FHIT: variants seen among roughly 807,000 people sequenced by gnomAD.
FHIT encodes the protein fragile histidine triad diadenosine triphosphatase.
A neutral mutation model predicts 17.9 loss-of-function variants in FHIT; 19 were observed. The observed-to-expected ratio is 1.06, with a 90% CI of 0.74 to 1.56. FHIT has a LOEUF of 1.56. Ranked by LOEUF, FHIT falls within the 40% of genes most tolerant of loss-of-function variation. The pLI, the probability that FHIT is intolerant of heterozygous loss-of-function variation, is 0.00. For missense variants in FHIT, 248 were observed against 189.2 expected (o/e 1.31, Z -1.82); for synonymous variants, 81 against 69.7 (o/e 1.16, Z -0.81).
intron 7 of FHIT, among the ~76,000 whole-genome samples, chr3:59,928,695 T>A (rs1454135987): frequency 6.6e-6 from 1 of 152,076 alleles, no homozygotes; most frequent in Non-Finnish European, 1.5e-5. Flanking sequence ...CTAGGGCAAC[T>A]GTAATAAAAA....
At chr3:60,511,155 C>T (rs928427645) in intron 5 of FHIT, among the ~76,000 whole-genome samples, 1 of 152,094 alleles carries the variant, frequency 6.6e-6, no homozygotes, top group African/African-American at 2.4e-5. Context: ...TAAGGTTATC[C>T]ATCAGTGAAA....
intron 4 of FHIT, among the ~76,000 whole-genome samples, chr3:60,721,104 G>T (rs1449381331): frequency 1.3e-5 from 2 of 151,922 alleles, no homozygotes; most frequent in African/African-American, 4.8e-5. Flanking sequence ...CTTTGTGGGA[G>T]CAATTAATTC....
chr3:60,569,751 A>ATTTTTTTTTT (rs1272456475), intron 4 of FHIT, among the ~76,000 whole-genome samples: 5 of 69,764 alleles, frequency 7.2e-5, no homozygotes, highest in African/African-American at 3.0e-4. Context: ...ATATATATAT[A>ATTTTTTTTTT]TATATTTTTT....
At chr3:60,180,834 G>C (rs1576264301) in intron 5 of FHIT, among the ~76,000 whole-genome samples, 1 of 152,070 alleles carries the variant, frequency 6.6e-6, no homozygotes, top group Non-Finnish European at 1.5e-5. Context: ...TTACTGGATT[G>C]CAAGATTAAA....
intron 7 of FHIT, among the ~76,000 whole-genome samples, chr3:59,957,025 G>C (rs575743870): frequency 8.5e-5 from 13 of 152,228 alleles, no homozygotes; most frequent in Admixed American, 2.0e-4. Context: ...ACAGAACAGG[G>C]ACTTTGTCTG....
intron 5 of FHIT, among the ~76,000 whole-genome samples, chr3:60,152,920 T>A (rs887798141): frequency 4.6e-5 from 7 of 152,142 alleles, no homozygotes; most frequent in Non-Finnish European, 7.3e-5. Flanking sequence ...TCATGCTCAT[T>A]TTGTAGCTAC....
chr3:60,657,323 T>C (rs2040140664), intron 4 of FHIT, among the ~76,000 whole-genome samples: 1 of 152,150 alleles, frequency 6.6e-6, no homozygotes, highest in South Asian at 2.1e-4. Flanking sequence ...AGTTCTGTAG[T>C]GTGTTAGCAC....
chr3:60,504,442 A>C (rs1398237773), intron 5 of FHIT, among the ~76,000 whole-genome samples: 2 of 142,298 alleles, frequency 1.4e-5, no homozygotes, highest in Non-Finnish European at 3.1e-5. Context: ...AAAAAAAAAA[A>C]ATTTTTTTTT....
rs549099629 is a variant in FHIT at position 60,444,612 on chromosome 3, G to T, written c.103+92248C>A. On this transcript the variant is annotated intron_variant, in intron 5 of 9. Transcript: ENST00000492590. Reference sequence around the variant, plus strand: ...TCACAAGGACAAAAAACCAAACACCGCATGTTCTCACTCATAGCTGGGAAT... The same window carrying T: ...TCACAAGGACAAAAAACCAAACACCTCATGTTCTCACTCATAGCTGGGAAT... Among the ~76,000 whole-genome samples, 339 of 152,058 alleles carry T rather than the reference G, an allele frequency of 2.2e-3. 4 individuals carry two copies. The highest frequency in any genetic ancestry group is 0.01 in the Middle Eastern group (3 of 294).
intron 1 of FHIT, among the ~76,000 whole-genome samples, chr3:61,209,328 G>A (rs2039372063): frequency 1.3e-5 from 2 of 152,056 alleles, no homozygotes; most frequent in South Asian, 2.1e-4. Flanking sequence ...TATCTTTCTG[G>A]CATTCTCTGT....
At chr3:60,218,201 G>A (rs1359116662) in intron 5 of FHIT, among the ~76,000 whole-genome samples, 1 of 152,068 alleles carries the variant, frequency 6.6e-6, no homozygotes, top group Non-Finnish European at 1.5e-5. Context: ...AAAAGTTTAA[G>A]AACCACTGAA....
chr3:60,597,444 T>C (rs1478676290), intron 4 of FHIT, among the ~76,000 whole-genome samples: 2 of 152,118 alleles, frequency 1.3e-5, no homozygotes, highest in Admixed American at 6.6e-5. Flanking sequence ...AGCAGAACCA[T>C]ACCTTGAACT....
intron 7 of FHIT, among the ~76,000 whole-genome samples, chr3:59,995,404 G>C (rs1234934588): frequency 1.3e-5 from 2 of 152,002 alleles, no homozygotes; most frequent in African/African-American, 2.4e-5. Flanking sequence ...TTAGTCTCTT[G>C]AGGAGGTAAT....
Position 59,976,920 on chromosome 3 carries a change from G to C in FHIT, c.279+34451C>G, listed in dbSNP as rs534176265. On this transcript the variant is annotated intron_variant, in intron 7 of 9. Coordinates refer to ENST00000492590, the MANE Select transcript of FHIT (RefSeq NM_002012.4). ...ATCTCCAAGGTTATTTTGGAACTAG[G>C]CATGGCTTGAAGACACATCTAATGG... 6.2e-4 allele frequency among the ~76,000 whole-genome samples: 95 copies of C among 152,174 alleles called. 1 individual carries two copies. The highest frequency in any genetic ancestry group is 2.1e-3 in the African/African-American group (86 of 41,548).
intron 5 of FHIT, among the ~76,000 whole-genome samples, chr3:60,390,054 T>G (rs1030702338): frequency 6.6e-6 from 1 of 152,166 alleles, no homozygotes; most frequent in African/African-American, 2.4e-5. Flanking sequence ...AAACTGTTGT[T>G]GATGAAGTGA....
Position 60,388,175 on chromosome 3 carries a change from C to G in FHIT, c.103+148685G>C, listed in dbSNP as rs544790146. Among the ~76,000 whole-genome samples the G allele has an allele frequency of 1.9e-4, 29 of 152,262 alleles. No individual in the cohort carries two copies. The East Asian group carries it at 5.6e-3, about 29-fold the overall frequency. ...TATTCTTTTACAGCACACAAATGGA[C>G]TAAGACAATTTCTAACCACATCTGA... On this transcript the variant is annotated intron_variant, in intron 5 of 9. Transcript: ENST00000492590.
intron 1 of FHIT, among the ~76,000 whole-genome samples, chr3:61,233,020 G>C (rs2040144150): frequency 6.6e-6 from 1 of 152,062 alleles, no homozygotes; most frequent in Non-Finnish European, 1.5e-5. Context: ...CAAAGATGAG[G>C]GTATGAGAAG....
intron 8 of FHIT, among the ~76,000 whole-genome samples, chr3:59,838,045 A>G (rs1243171418): frequency 6.6e-6 from 1 of 152,140 alleles, no homozygotes; most frequent in East Asian, 1.9e-4. Flanking sequence ...ATCAGATTCC[A>G]GAAGTCATTT....
At chr3:61,203,013 T>C (rs969021178) in intron 1 of FHIT, among the ~76,000 whole-genome samples, 5 of 151,940 alleles carry the variant, frequency 3.3e-5, no homozygotes, top group African/African-American at 9.7e-5. Flanking sequence ...ACCCCATCTC[T>C]ACTAAAAATA....
Sources: gnomAD v4.1 joint callset for allele counts (sites outside exome capture counted in the v4.1 genomes callset) on GRCh38, gnomAD v4.1.1 for gene constraint, MANE v1.5 for transcripts, NCBI Gene and HGNC (gene_info 2026-07-23, HGNC 2026-07-21) for gene names.